The following RRM2 variants were observed in gnomAD, a reference collection of about 807,000 sequenced individuals.
RRM2 encodes the protein ribonucleotide reductase regulatory subunit M2.
In RRM2, 6 loss-of-function variants were observed where a neutral mutation model predicts 45.9. The ratio of observed to expected loss-of-function variants is 0.13; its 90% CI spans 0.07 to 0.26. RRM2 has a LOEUF of 0.26. RRM2 is among the 10% of genes least tolerant of loss of function. The pLI, the probability that RRM2 is intolerant of heterozygous loss-of-function variation, is 1.00. For missense variants in RRM2, 343 were observed against 489.5 expected (o/e 0.70, Z 2.82); for synonymous variants, 177 against 173.0 (o/e 1.02, Z -0.18).
intron 3 of RRM2, among the ~76,000 whole-genome samples, chr2:10,186,768 C>A (rs1466239130): frequency 6.6e-6 from 1 of 152,254 alleles, no homozygotes; most frequent in Admixed American, 6.5e-5. Context: ...TTACTTACCA[C>A]CCCTGCCTGA....
In RRM2 at chr2:10,171,102, G is replaced by A. The variant is rs1417861747; in HGVS notation, n.482+28727G>A. ...TGCGCCACTCATCATTATAGGCTGC[G>A]CCACTCATTATAGGCTGCGGGGCCT... On this transcript the variant is annotated intron_variant and non_coding_transcript_variant, in intron 3 of 3. Transcript: ENST00000381786. This position sits in a 1 kb window ranked among gnomAD's most constrained non-coding sequence, Gnocchi z 4.1. Among the ~76,000 whole-genome samples the A allele has an allele frequency of 2.6e-5, 4 of 152,172 alleles. No individual in the cohort carries two copies. The highest frequency in any genetic ancestry group is 4.2e-4 in the South Asian group (2 of 4,818).
chr2:10,139,671 T>C (rs1663045551), upstream of RRM2, among the ~76,000 whole-genome samples: 1 of 152,170 alleles, frequency 6.6e-6, no homozygotes, highest in Non-Finnish European at 1.5e-5. Flanking sequence ...GTCCCAGCCT[T>C]CGGTTTTGCT....
At chr2:10,203,776 C>T (rs907709620) in intron 3 of RRM2, among the ~76,000 whole-genome samples, 3 of 151,802 alleles carry the variant, frequency 2.0e-5, no homozygotes, top group Non-Finnish European at 1.5e-5. Context: ...TACATACATA[C>T]ATACATACAT....
chr2:10,137,800 T>C (rs1663017047), upstream of RRM2, among the ~76,000 whole-genome samples: 1 of 152,082 alleles, frequency 6.6e-6, no homozygotes, highest in East Asian at 1.9e-4. Context: ...TCTCCTCTAC[T>C]TCAGGGGGGT....
chr2:10,188,870 G>A (rs1015620303), intron 3 of RRM2, among the ~76,000 whole-genome samples: 1 of 152,146 alleles, frequency 6.6e-6, no homozygotes, highest in Non-Finnish European at 1.5e-5. Context: ...GCTTCTGTCT[G>A]AGAAGTCAGA....
chr2:10,140,190 T>G (rs936082135), upstream of RRM2, among the ~76,000 whole-genome samples: 1 of 151,998 alleles, frequency 6.6e-6, no homozygotes, highest in African/African-American at 2.4e-5. Flanking sequence ...GAGGTTGCAG[T>G]GAGCCGAGAT....
At chr2:10,147,883 G>A (rs1197664280) in intron 3 of RRM2, among the ~76,000 whole-genome samples, 2 of 151,950 alleles carry the variant, frequency 1.3e-5, no homozygotes, top group East Asian at 1.9e-4. Context: ...GGTGGTTCCC[G>A]CCTGTAATCC....
intron 3 of RRM2, among the ~76,000 whole-genome samples, chr2:10,151,734 A>G (rs1663316189): frequency 6.6e-6 from 1 of 152,204 alleles, no homozygotes; most frequent in Non-Finnish European, 1.5e-5. Flanking sequence ...GAGCAACACA[A>G]GAGTCCCAGT....
At chr2:10,148,525 A>C (rs1259930513) in intron 3 of RRM2, among the ~76,000 whole-genome samples, 1 of 152,212 alleles carries the variant, frequency 6.6e-6, no homozygotes, top group Non-Finnish European at 1.5e-5. Context: ...CACAGATGTC[A>C]CTTCTGTCTC....
chr2:10,144,700 C>T (rs1419565996), intron 3 of RRM2, among the ~76,000 whole-genome samples: 1 of 152,182 alleles, frequency 6.6e-6, no homozygotes, highest in African/African-American at 2.4e-5. Flanking sequence ...TATATCTTTG[C>T]TTCTATAGAA....
downstream of RRM2, among the ~76,000 whole-genome samples, chr2:10,133,990 C>T (rs1662947110): frequency 6.6e-6 from 1 of 151,760 alleles, no homozygotes; most frequent in Non-Finnish European, 1.5e-5. Context: ...ACCAGCCTGG[C>T]CAACATGGTG....
intron 3 of RRM2, among the ~76,000 whole-genome samples, chr2:10,177,501 A>G (rs78721073): frequency 0.026 from 3,949 of 152,206 alleles, 172 homozygotes; most frequent in African/African-American, 0.09. Flanking sequence ...TAATAACTAT[A>G]TTGATGTTGA....
intron 3 of RRM2, among the ~76,000 whole-genome samples, chr2:10,175,153 A>G (rs1427428014): frequency 6.6e-6 from 1 of 152,238 alleles, no homozygotes; most frequent in Non-Finnish European, 1.5e-5. Flanking sequence ...AGACATGTGC[A>G]TACTCTGCAC....
chr2:10,164,369 C>T (rs114785030), intron 3 of RRM2, among the ~76,000 whole-genome samples: 1,994 of 152,222 alleles, frequency 0.013, 52 homozygotes, highest in African/African-American at 0.046. Flanking sequence ...GGTGTGTGGA[C>T]GGCTTAATAC....
At chr2:10,192,305 T>G (rs1423134043) in intron 3 of RRM2, among the ~76,000 whole-genome samples, 1 of 152,214 alleles carries the variant, frequency 6.6e-6, no homozygotes, top group Non-Finnish European at 1.5e-5. Context: ...GCGTTTTCCC[T>G]GAAGGACTTC....
intron 3 of RRM2, among the ~76,000 whole-genome samples, chr2:10,182,713 A>AT (rs1309487131): frequency 2.0e-5 from 3 of 152,100 alleles, no homozygotes; most frequent in African/African-American, 7.2e-5. Flanking sequence ...CGGCAGCTAC[A>AT]TATCAGTGGT....
intron 3 of RRM2, among the ~76,000 whole-genome samples, chr2:10,187,229 G>A (rs1029612276): frequency 3.9e-5 from 6 of 152,188 alleles, no homozygotes; most frequent in Admixed American, 6.5e-5. Context: ...GAAGGGTCCC[G>A]CAGGAAGATC....
In RRM2 at chr2:10,127,084, T is replaced by C. The variant is rs61754180; in HGVS notation, c.665-3T>C. 0.07 allele frequency: 112,796 copies of C among 1,614,058 alleles called. 4,417 individuals are homozygous for C. The highest frequency in any genetic ancestry group is 0.12 in the Middle Eastern group (738 of 6,060). Reference sequence around the variant, plus strand: ...AATCATGTTGGTGTTAACTCCTAAATAGGTGAACGTGTTGTAGCCTTTGCT... The same window carrying C: ...AATCATGTTGGTGTTAACTCCTAAACAGGTGAACGTGTTGTAGCCTTTGCT... On this transcript the variant is annotated splice_polypyrimidine_tract_variant and splice_region_variant and intron_variant, in intron 6 of 9. Coordinates refer to ENST00000304567, the MANE Select transcript of RRM2 (RefSeq NM_001034.4). This position sits in a 1 kb window ranked among gnomAD's most constrained non-coding sequence, Gnocchi z 4.1.
At chr2:10,210,665 C>T in exon 4 of RRM2, 1 of 1,307,996 alleles carries the variant, frequency 7.6e-7, no homozygotes, top group Admixed American at 2.0e-5. Context: ...ATGGAACCCG[C>T]AAAGCCTGCA....
Sources: allele counts gnomAD v4.1 joint callset (sites outside exome capture counted in the v4.1 genomes callset), GRCh38; gene constraint gnomAD v4.1.1; non-coding constraint Gnocchi (gnomAD v3.1); transcripts MANE v1.5; gene names NCBI Gene and HGNC (gene_info 2026-07-23, HGNC 2026-07-21).